The following XPOT variants were observed in gnomAD, a reference collection of about 807,000 sequenced individuals.
XPOT encodes exportin for tRNA, also known as exportin-T.
A neutral mutation model predicts 128.2 loss-of-function variants in XPOT; 34 were observed. The ratio of observed to expected loss-of-function variants is 0.27; its 90% CI spans 0.20 to 0.35. The LOEUF (loss-of-function observed/expected upper bound fraction) is 0.35, where lower values mean the gene tolerates loss of function less well. Ranked by LOEUF, XPOT falls within the 10% of genes least tolerant of loss-of-function variation. The probability of loss-of-function intolerance (pLI) is 1.00; values close to 1 mark genes in which losing one functional copy is unlikely to be tolerated. For missense variants in XPOT, 838 were observed against 1,125.3 expected (o/e 0.74, Z 3.65); for synonymous variants, 348 against 394.3 (o/e 0.88, Z 1.39).
intron 11 of XPOT, among the ~76,000 whole-genome samples, chr12:64,423,923 T>C (rs965161549): frequency 1.3e-5 from 2 of 152,134 alleles, no homozygotes; most frequent in African/African-American, 4.8e-5. Context: ...CAGTTAAAGG[T>C]CTTTTTCAAG....
intron 3 of XPOT, among the ~76,000 whole-genome samples, chr12:64,416,409 G>A (rs1480644656): frequency 6.6e-6 from 1 of 152,222 alleles, no homozygotes; most frequent in Admixed American, 6.5e-5. Flanking sequence ...GGAATTTAGA[G>A]GGATGGTTTG....
rs1358795941 is a variant in XPOT, at chr12:64,425,034, G to A, written c.1308-4G>A. On this transcript the variant is annotated splice_region_variant and splice_polypyrimidine_tract_variant and intron_variant, in intron 12 of 24. Transcript: ENST00000332707. ...AATCTCACTGACATATTATACCTTG[G>A]TAGGAATTGGCAGACTACACGGTTT... 6.2e-7 allele frequency: 1 copy of A among 1,612,136 alleles called. No homozygotes were observed. Among genetic ancestry groups the A allele is most frequent in the African/African-American group, 1.3e-5 (1 of 74,856 alleles).
chr12:64,445,017 C>A (rs1592342887), intron 23 of XPOT, 58 bp from the exon 24 acceptor site: 40 of 1,268,322 alleles, frequency 3.2e-5, no homozygotes, highest in Middle Eastern at 2.0e-4. Flanking sequence ...ATACGAATTA[C>A]AATGGATTTA....
chr12:64,424,771 C>T (rs771725185), intron 12 of XPOT, 48 bp downstream of exon 12: 12 of 1,602,360 alleles, frequency 7.5e-6, no homozygotes, highest in Admixed American at 1.7e-5. Flanking sequence ...TTCTTTTGCT[C>T]TTTGATATGG....
At chr12:64,409,177 G>A (rs146007845) in intron 1 of XPOT, among the ~76,000 whole-genome samples, 3 of 152,160 alleles carry the variant, frequency 2.0e-5, no homozygotes, top group East Asian at 3.9e-4. Flanking sequence ...TGAACTCTGA[G>A]GTCAGCCATT....
At chr12:64,436,290 C>T (rs897530738) in intron 22 of XPOT, among the ~76,000 whole-genome samples, 1 of 151,252 alleles carries the variant, frequency 6.6e-6, no homozygotes, top group African/African-American at 2.4e-5. Context: ...GGGTCTCACT[C>T]TGTCACTCAG....
chr12:64,431,880 C>T, intron 18 of XPOT, 57 bp downstream of exon 18: 2 of 1,542,756 alleles, frequency 1.3e-6, no homozygotes, highest in South Asian at 1.2e-5. Context: ...TATTTATCTT[C>T]AGACATGTTT....
intron 23 of XPOT, among the ~76,000 whole-genome samples, chr12:64,443,991 T>C (rs2040347576): frequency 6.6e-6 from 1 of 152,196 alleles, no homozygotes; most frequent in South Asian, 2.1e-4. Context: ...TCATCAAAAG[T>C]AGAACTTAGA....
At position 64,434,802 on chromosome 12, in the gene XPOT, G is replaced by C. The variant is rs1211289571; in HGVS notation, c.2578G>C (p.Asp860His). 2 of 1,612,096 alleles carry C rather than the reference G, an allele frequency of 1.2e-6. No individual in the cohort carries two copies. The highest frequency in any genetic ancestry group is 1.7e-6 in the Non-Finnish European group (2 of 1,179,930). Residue 860 changes from aspartate (D) to histidine (H), a missense_variant, in exon 21 of 25, where the codon GAT becomes CAT. Asp to His is a moderately conservative substitution (Grantham distance 81). Coordinates refer to ENST00000332707, the MANE Select transcript of XPOT (RefSeq NM_007235.6). ...TTGAATTCTCTTGACAGGAGGTAAA[G>C]ATGGACCAGTGGGATTTGCTGATTT... Reference protein sequence around the residue: ...SKLVELWGGKDGPVGFADFVY... With the variant: ...SKLVELWGGKHGPVGFADFVY...
intron 2 of XPOT, among the ~76,000 whole-genome samples, chr12:64,414,240 G>C (rs541370920): frequency 6.6e-6 from 1 of 152,164 alleles, no homozygotes; most frequent in Non-Finnish European, 1.5e-5. Context: ...CTTGCTCCTT[G>C]TTGGCACTGT....
chr12:64,428,150 C>T, intron 16 of XPOT, 30 bp downstream of exon 16: 1 of 1,455,012 alleles, frequency 6.9e-7, no homozygotes, highest in Non-Finnish European at 9.5e-7. Context: ...AGATATTTTA[C>T]CCAGAATTCA....
intron 16 of XPOT, among the ~76,000 whole-genome samples, chr12:64,428,993 G>A (rs2040215278): frequency 6.6e-6 from 1 of 152,164 alleles, no homozygotes; most frequent in African/African-American, 2.4e-5. Flanking sequence ...AAATAACCAT[G>A]ACAGACAACC....
chr12:64,433,341 T>C, intron 18 of XPOT, 73 bp from the exon 19 acceptor site: 2 of 1,377,676 alleles, frequency 1.5e-6, no homozygotes, highest in Non-Finnish European at 2.0e-6. Flanking sequence ...AAAGGCTTTA[T>C]GTAAAATAGT....
At chr12:64,445,728 T>A (rs1266790243) in intron 24 of XPOT, among the ~76,000 whole-genome samples, 1 of 152,218 alleles carries the variant, frequency 6.6e-6, no homozygotes, top group Non-Finnish European at 1.5e-5. Flanking sequence ...TGGCTGCAAA[T>A]ACAACTATGA....
intron 22 of XPOT, among the ~76,000 whole-genome samples, chr12:64,437,945 C>T (rs907252789): frequency 2.6e-5 from 4 of 152,154 alleles, no homozygotes; most frequent in African/African-American, 9.7e-5. Flanking sequence ...TGGCACTGCA[C>T]TCCAGCCTGG....
chr12:64,428,215 T>C, intron 16 of XPOT, 95 bp downstream of exon 16: 2 of 817,558 alleles, frequency 2.4e-6, no homozygotes, highest in South Asian at 1.6e-5. Flanking sequence ...AAAAAAAAAT[T>C]GGTGGTGGAG....
chr12:64,450,256 A>G lies in XPOT; in HGVS notation c.*2125A>G, dbSNP rs1402261305. ...CTGTAACTTCTCCCATACTCTACCA[A>G]TCCTCCTGCCTCAGCATCCAGACTA... is the stretch of plus-strand genomic sequence containing the variant. On this transcript the variant is annotated 3_prime_UTR_variant, in exon 25 of 25. Coordinates refer to ENST00000332707, the MANE Select transcript of XPOT (RefSeq NM_007235.6). 6.6e-6 allele frequency: 1 copy of G among 151,830 alleles called. No individual in the cohort carries two copies. The highest frequency in any genetic ancestry group is 1.5e-5 in the Non-Finnish European group (1 of 67,974). The allele number at this position is 151,830 out of a possible 1,614,324, so 9.4% of individuals were successfully genotyped here. A position where few individuals can be genotyped will look rare whatever the true frequency, so the allele number is the denominator to read the frequency against.
chr12:64,430,870 C>T (rs2040232859), intron 17 of XPOT, among the ~76,000 whole-genome samples: 1 of 152,132 alleles, frequency 6.6e-6, no homozygotes, highest in South Asian at 2.1e-4. Context: ...CTAGTACAGG[C>T]CTAGTCATAA....
chr12:64,414,743 C>A (rs1312772426), intron 2 of XPOT, among the ~76,000 whole-genome samples, 164 bp from the exon 3 acceptor site: 1 of 152,140 alleles, frequency 6.6e-6, no homozygotes, highest in Admixed American at 6.6e-5. Flanking sequence ...AGGAATGACC[C>A]CAAGTTGCAT....
Sources: gnomAD v4.1 joint callset for allele counts (sites outside exome capture counted in the v4.1 genomes callset) on GRCh38, gnomAD v4.1.1 for gene constraint, MANE v1.5 for transcripts, NCBI Gene and HGNC (gene_info 2026-07-23, HGNC 2026-07-21) for gene names.